Variants in PPIL2 observed in about 807,000 individuals in gnomAD.
PPIL2 encodes peptidylprolyl isomerase like 2.
A neutral mutation model predicts 75.2 loss-of-function variants in PPIL2; 50 were observed. The observed-to-expected ratio is 0.66, with a 90% CI of 0.53 to 0.84. The LOEUF (loss-of-function observed/expected upper bound fraction) is 0.84. Ranked by LOEUF, PPIL2 falls within the 40% of genes least tolerant of loss-of-function variation. PPIL2 has a pLI of 0.00. For synonymous variants in PPIL2, 245 were observed against 258.8 expected (o/e 0.95, Z 0.51); for missense variants, 590 against 685.0 (o/e 0.86, Z 1.55).
chr22:21,679,799 C>T (rs2067028877), intron 6 of PPIL2, among the ~76,000 whole-genome samples: 1 of 151,568 alleles, frequency 6.6e-6, no homozygotes, highest in Non-Finnish European at 1.5e-5. Flanking sequence ...AGAAAAAGTC[C>T]CCACAAGGCC....
intron 6 of PPIL2, among the ~76,000 whole-genome samples, chr22:21,679,543 G>A (rs964052805): frequency 5.9e-5 from 9 of 151,980 alleles, no homozygotes; most frequent in East Asian, 2.0e-4. Context: ...TTGAGACTGC[G>A]TGAGCTGTGA....
intron 10 of PPIL2, 24 bp downstream of exon 10, chr22:21,684,937 C>T (rs759691416): frequency 1.2e-6 from 2 of 1,609,508 alleles, no homozygotes; most frequent in Non-Finnish European, 1.7e-6. Context: ...GGCACTCGGC[C>T]AAGCCCAAGC....
intron 6 of PPIL2, among the ~76,000 whole-genome samples, chr22:21,680,415 C>T (rs11705530): frequency 0.3 from 45,881 of 152,018 alleles, 7,157 homozygotes; most frequent in Non-Finnish European, 0.35. Context: ...CCTGTAGTCT[C>T]AGCTACTCCG....
chr22:21,672,341 C>CA lies in PPIL2; in HGVS notation c.204dup (p.Trp69MetfsTer3). The CA allele has an allele frequency of 6.2e-7, 1 of 1,612,628 alleles. No homozygotes were observed. On this transcript the variant is annotated frameshift_variant, in exon 5 of 20. Coordinates refer to ENST00000398831, the MANE Select transcript of PPIL2 (RefSeq NM_014337.4). LOFTEE classifies it high-confidence loss of function. ...TGTCTTCCCTTCAGGAACATTGTTC[C>CA]ATGGCTTAAGAAGTACGGGACCAAC...
chr22:21,666,257 C>A, intron 1 of PPIL2, 126 bp downstream of exon 1: 1 of 1,110,318 alleles, frequency 9.0e-7, no homozygotes, highest in South Asian at 1.7e-5. Flanking sequence ...TCACTTCCTC[C>A]CGGAAGCTGC....
intron 2 of PPIL2, chr22:21,670,210 A>G: frequency 2.8e-6 from 3 of 1,069,556 alleles, no homozygotes; most frequent in Non-Finnish European, 3.9e-6. Context: ...AAAAATAAAT[A>G]AGTAAATGAA....
chr22:21,686,247 T>G (rs1156410111), intron 10 of PPIL2, among the ~76,000 whole-genome samples: 1 of 152,200 alleles, frequency 6.6e-6, no homozygotes, highest in Non-Finnish European at 1.5e-5. Context: ...GTATTTTATC[T>G]CCAGGGTTTC....
chr22:21,682,488 G>A lies in PPIL2; in HGVS notation c.439G>A (p.Asp147Asn), dbSNP rs139225452. ...CAAGAACTTCCGGGACCTGCTGACC[G>A]ACGAGCCCTTCTCCCGGCAGGACAT... ...KAKNFRDLLT[D>N]EPFSRQDIIT... Residue 147 changes from aspartate to asparagine, a missense_variant, in exon 8 of 20, where the codon GAC (aspartate) becomes AAC (asparagine). Transcript: ENST00000398831. 9.3e-6 allele frequency: 15 copies of A among 1,613,788 alleles called. No individual in the cohort carries two copies. Among genetic ancestry groups the A allele is most frequent in the East Asian group, 2.2e-5 (1 of 44,892 alleles).
chr22:21,670,997 T>C lies in PPIL2; in HGVS notation c.129T>C (p.Ser43=), dbSNP rs1160919299. 2.5e-6 allele frequency: 4 copies of C among 1,611,766 alleles called. No homozygotes were observed. The East Asian group carries it at 8.9e-5, about 36-fold the overall frequency. Residue 43 remains serine, a splice_region_variant and synonymous_variant, in exon 4 of 20, where the codon AGT becomes AGC. Coordinates refer to ENST00000398831, the MANE Select transcript of PPIL2 (RefSeq NM_014337.4). Reference sequence around the variant, plus strand: ...ACCAGGAATGACTGTCCTTTTTCAGTCTCTCTCTGCAGCCCTTTGTCTACC... The same window carrying C: ...ACCAGGAATGACTGTCCTTTTTCAGCCTCTCTCTGCAGCCCTTTGTCTACC... The part of the protein sequence containing the change: ...NFRRLPFDHC[S]LSLQPFVYPV...
At chr22:21,683,094 T>A (rs750326442) in intron 8 of PPIL2, 88 bp from the exon 9 acceptor site, 1 of 1,158,158 alleles carries the variant, frequency 8.6e-7, no homozygotes, top group Non-Finnish European at 1.3e-6. Context: ...CTTCCACACC[T>A]CTGACAGCTG....
rs1219905642 is a variant in PPIL2 at position 21,696,456 on chromosome 22, C to T, written c.*966C>T. 2 of 1,204,986 alleles carry T rather than the reference C, an allele frequency of 1.7e-6. No individual in the cohort carries two copies. Among genetic ancestry groups the T allele is most frequent in the Non-Finnish European group, 2.1e-6 (2 of 956,284 alleles). 74.6% of individuals were successfully genotyped at this position (1,204,986 alleles called of 1,614,324 possible). On this transcript the variant is annotated 3_prime_UTR_variant, in exon 20 of 20. Transcript: ENST00000398831. ...CCAAGACTCTGCTCCTCCTGTCAGTCACTGACTCTGATGGCCTTGGGCCAG... is the reference window on the plus strand; with the variant it reads ...CCAAGACTCTGCTCCTCCTGTCAGTTACTGACTCTGATGGCCTTGGGCCAG...
At chr22:21,698,131 G>A (rs970890983), downstream of PPIL2, 2 of 152,142 alleles carry the variant, frequency 1.3e-5, no homozygotes, top group African/African-American at 4.8e-5. Flanking sequence ...AGAGGGTGGT[G>A]GATATGGTCC....
intron 6 of PPIL2, among the ~76,000 whole-genome samples, chr22:21,678,146 G>A (rs991225995): frequency 2.6e-5 from 4 of 152,132 alleles, no homozygotes; most frequent in South Asian, 2.1e-4. Context: ...TTGGGCTTCC[G>A]CTCCAAGATG....
rs920879396 is a variant in PPIL2, at chr22:21,688,109, A to G, written c.1021+3A>G. The G allele has an allele frequency of 6.2e-7, 1 of 1,614,158 alleles. No individual in the cohort carries two copies. The highest frequency in any genetic ancestry group is 1.1e-5 in the South Asian group (1 of 91,086). On this transcript the variant is annotated splice_donor_region_variant and intron_variant, in intron 14 of 19. Coordinates refer to ENST00000398831, the MANE Select transcript of PPIL2 (RefSeq NM_014337.4). ...CGACCCCACAGGCACAGGCACGGGTAGGTACTGGTGCTGGGCCCCTCTCTG... is the reference window on the plus strand; with the variant it reads ...CGACCCCACAGGCACAGGCACGGGTGGGTACTGGTGCTGGGCCCCTCTCTG...
intron 15 of PPIL2, among the ~76,000 whole-genome samples, chr22:21,689,661 T>G (rs1569040946): frequency 6.6e-6 from 1 of 152,214 alleles, no homozygotes; most frequent in Non-Finnish European, 1.5e-5. Flanking sequence ...TTCCCTGGTG[T>G]GCACATCAGT....
intron 16 of PPIL2, 136 bp downstream of exon 16, chr22:21,694,008 C>T: frequency 1.0e-6 from 1 of 965,582 alleles, no homozygotes; most frequent in African/African-American, 1.6e-5. Context: ...GGGGTTGAGG[C>T]TATGCAGAGC....
chr22:21,671,715 A>G (rs2066640470), intron 4 of PPIL2, among the ~76,000 whole-genome samples: 1 of 152,114 alleles, frequency 6.6e-6, no homozygotes, highest in East Asian at 1.9e-4. Context: ...CTGGCTTGAA[A>G]GTATAGTTTT....
intron 6 of PPIL2, among the ~76,000 whole-genome samples, chr22:21,677,066 G>C (rs1669120): frequency 6.6e-6 from 1 of 151,136 alleles, no homozygotes; most frequent in East Asian, 2.0e-4. Flanking sequence ...GGCGGCTGCC[G>C]GGCGGAGACG....
Position 21,682,506 on chromosome 22 carries a change from C to G in PPIL2, c.457C>G (p.Gln153Glu). 6.2e-7 allele frequency: 1 copy of G among 1,613,724 alleles called. No homozygotes were observed. The highest frequency in any genetic ancestry group is 8.5e-7 in the Non-Finnish European group (1 of 1,179,930). The part of the protein sequence containing the change: ...DLLTDEPFSR[Q>E]DIITLQDPTN... ...GCTGACCGACGAGCCCTTCTCCCGG[C>G]AGGACATCATCACCCTCCAGGTGAG... Residue 153 changes from glutamine to glutamate, a missense_variant, in exon 8 of 20, where the codon CAG becomes GAG. Transcript: ENST00000398831.
Sources: allele counts gnomAD v4.1 joint callset (sites outside exome capture counted in the v4.1 genomes callset), GRCh38; gene constraint gnomAD v4.1.1; transcripts MANE v1.5; gene names NCBI Gene and HGNC (gene_info 2026-07-23, HGNC 2026-07-21).